The following QKI variants were observed in gnomAD, a reference collection of about 807,000 sequenced individuals.
The protein encoded by QKI is KH domain-containing RNA-binding protein QKI.
Under a neutral mutation model 39.0 loss-of-function variants are expected in QKI, and 10 were observed. That is an observed-to-expected ratio of 0.26 (90% CI 0.16 to 0.43). The LOEUF (loss-of-function observed/expected upper bound fraction) is 0.43, where lower values mean the gene tolerates loss of function less well. Among genes scored for constraint, QKI ranks in the 20% least tolerant of loss-of-function variants. The pLI is 1.00. For synonymous variants in QKI, 204 were observed against 155.4 expected, an observed-to-expected ratio of 1.31 and a Z score of -2.33; for missense variants, 218 against 428.0, an observed-to-expected ratio of 0.51 and a Z score of 4.33.
At chr6:163,454,557 G>A (rs937950712) in intron 1 of QKI, among the ~76,000 whole-genome samples, 2 of 152,062 alleles carry the variant, frequency 1.3e-5, no homozygotes, top group African/African-American at 4.8e-5. Flanking sequence ...TGGTCACCCT[G>A]TCCTTGAATC....
At chr6:163,501,565 T>C (rs997947426) in intron 3 of QKI, among the ~76,000 whole-genome samples, 8 of 152,234 alleles carry the variant, frequency 5.3e-5, no homozygotes, top group Non-Finnish European at 1.2e-4. Context: ...ATTAGCATTA[T>C]AGTCTTCTTG....
chr6:163,553,060 ATTTTTATTTATT>A (rs1270726474), intron 4 of QKI, among the ~76,000 whole-genome samples: 6 of 131,390 alleles, frequency 4.6e-5, no homozygotes, highest in African/African-American at 8.5e-5. Context: ...TTTTTTTTTA[ATTTTTATTTATT>A]TATTTATTTA....
chr6:163,534,538 G>A (rs1231590056), intron 3 of QKI, among the ~76,000 whole-genome samples: 2 of 152,206 alleles, frequency 1.3e-5, no homozygotes, highest in Non-Finnish European at 2.9e-5. Flanking sequence ...TTAGCTGTGT[G>A]ACATTGAGAG....
chr6:163,534,356 G>A (rs943696690), intron 3 of QKI, among the ~76,000 whole-genome samples: 6 of 151,932 alleles, frequency 3.9e-5, no homozygotes, highest in Non-Finnish European at 5.9e-5. Flanking sequence ...CATAATTACC[G>A]CATGAAATAC....
rs1787332829 is a variant in QKI, at chr6:163,415,174, T to TGAGCTGCGGAGC, written c.-19_-8dup. The stretch of plus-strand genomic sequence containing the variant: ...GCGGCGGCGGCGGCGGCGGGCGGAG[T>TGAGCTGCGGAGC]GAGCTGCGGAGCCTGGAATATGGTC... On this transcript the variant is annotated 5_prime_UTR_variant, in exon 1 of 8. Transcript: ENST00000361752. 1 of 1,451,464 alleles carries TGAGCTGCGGAGC rather than the reference T, an allele frequency of 6.9e-7. No homozygotes were observed. The highest frequency in any genetic ancestry group is 2.0e-5 in the Admixed American group (1 of 49,428). The allele number at this position is 1,451,464 out of a possible 1,614,324, so 89.9% of individuals were successfully genotyped here.
chr6:163,561,865 T>C, intron 4 of QKI, 117 bp from the exon 5 acceptor site: 1 of 677,582 alleles, frequency 1.5e-6, no homozygotes, highest in Non-Finnish European at 2.4e-6. Flanking sequence ...TTTTTCCCCT[T>C]ATTAAAACAG....
chr6:163,436,127 G>A (rs185432761), intron 1 of QKI, among the ~76,000 whole-genome samples: 181 of 152,246 alleles, frequency 1.2e-3, no homozygotes, highest in Non-Finnish European at 2.2e-3. Context: ...AGAATTATTT[G>A]TGGCTATTGG....
chr6:163,489,536 A>G (rs1435152035), intron 3 of QKI, among the ~76,000 whole-genome samples: 1 of 151,196 alleles, frequency 6.6e-6, no homozygotes, highest in African/African-American at 2.5e-5. Flanking sequence ...GCGTTTTTTA[A>G]TATTCTGACT....
At chr6:163,516,799 C>G (rs762072261) in intron 3 of QKI, among the ~76,000 whole-genome samples, 1 of 151,924 alleles carries the variant, frequency 6.6e-6, no homozygotes, top group Non-Finnish European at 1.5e-5. Flanking sequence ...GAGGTGTAGG[C>G]TAGAGTATTT....
intron 4 of QKI, among the ~76,000 whole-genome samples, chr6:163,557,353 A>G (rs1180780693): frequency 6.6e-6 from 1 of 152,204 alleles, no homozygotes; most frequent in East Asian, 1.9e-4. Context: ...TTTAGCCATA[A>G]AAAAGAATAA....
rs551733741 is a variant in QKI, at chr6:163,552,302, G to A, written c.547-9680G>A. 4.4e-4 allele frequency among the ~76,000 whole-genome samples: 61 copies of A among 138,658 alleles called. 2 individuals are homozygous for A. In the South Asian group the frequency reaches 0.013, roughly 28 times the overall value. The allele number at this position is 138,658 out of a possible 152,430, so 91.0% of individuals were successfully genotyped here. On this transcript the variant is annotated intron_variant, in intron 4 of 7. Coordinates refer to ENST00000361752, the MANE Select transcript of QKI (RefSeq NM_006775.3). Reference sequence around the variant, plus strand: ...CAGCTCACTGCAAGCTCCACCTCCCGGGTTCATGCCATTCTCCTGCCTCAG... The same window carrying A: ...CAGCTCACTGCAAGCTCCACCTCCCAGGTTCATGCCATTCTCCTGCCTCAG...
At chr6:163,458,543 G>T (rs1227354663) in intron 2 of QKI, among the ~76,000 whole-genome samples, 1 of 152,114 alleles carries the variant, frequency 6.6e-6, no homozygotes, top group African/African-American at 2.4e-5. Flanking sequence ...TAAACCTGTT[G>T]TCTTTTGCAT....
At chr6:163,461,665 A>G (rs1352972847) in intron 2 of QKI, among the ~76,000 whole-genome samples, 1 of 152,224 alleles carries the variant, frequency 6.6e-6, no homozygotes, top group African/African-American at 2.4e-5. Context: ...ATGGAAATCG[A>G]GGAGAAATCT....
intron 7 of QKI, chr6:163,570,205 A>G: frequency 1.0e-6 from 1 of 984,006 alleles, no homozygotes; most frequent in Non-Finnish European, 1.2e-6. Flanking sequence ...GAATTTCTTT[A>G]GATTCATTTC....
intron 4 of QKI, among the ~76,000 whole-genome samples, chr6:163,549,000 A>G (rs1399887774): frequency 3.3e-5 from 5 of 152,200 alleles, no homozygotes; most frequent in Admixed American, 3.3e-4. Context: ...TGCTGTATTC[A>G]CTGTAATTAT....
chr6:163,562,286 T>C (rs1783079955), intron 5 of QKI, among the ~76,000 whole-genome samples: 1 of 152,262 alleles, frequency 6.6e-6, no homozygotes, highest in Non-Finnish European at 1.5e-5. Flanking sequence ...AAGTTTTAGG[T>C]TGATAAACTT....
intron 7 of QKI, chr6:163,569,327 A>G: frequency 9.0e-7 from 1 of 1,107,544 alleles, no homozygotes. Flanking sequence ...TCAGTCCATT[A>G]TTTTGGATCA....
intron 1 of QKI, among the ~76,000 whole-genome samples, chr6:163,437,757 A>G (rs1322896726): frequency 6.6e-6 from 1 of 152,182 alleles, no homozygotes; most frequent in African/African-American, 2.4e-5. Context: ...ACGGTAATGC[A>G]AATATACCTT....
chr6:163,506,346 T>C (rs1387341523), intron 3 of QKI, among the ~76,000 whole-genome samples: 3 of 152,172 alleles, frequency 2.0e-5, no homozygotes, highest in African/African-American at 7.2e-5. Context: ...GTTAAAATTA[T>C]GATAAGGGAA....
Sources: allele counts gnomAD v4.1 joint callset (sites outside exome capture counted in the v4.1 genomes callset), GRCh38; gene constraint gnomAD v4.1.1; transcripts MANE v1.5; gene names NCBI Gene and HGNC (gene_info 2026-07-23, HGNC 2026-07-21).